The following WNT9B variants were observed in gnomAD, a reference collection of about 807,000 sequenced individuals.
WNT9B encodes protein Wnt-9b.
Under a neutral mutation model 30.2 loss-of-function variants are expected in WNT9B, and 12 were observed. That is an observed-to-expected ratio of 0.40 (90% CI 0.26 to 0.64). WNT9B has a LOEUF of 0.64. Ranked by LOEUF, WNT9B falls within the 30% of genes least tolerant of loss-of-function variation. WNT9B has a pLI of 0.42. For synonymous variants in WNT9B, 218 were observed against 216.9 expected (o/e 1.01, Z -0.05); for missense variants, 442 against 485.2 (o/e 0.91, Z 0.84).
intron 2 of WNT9B, among the ~76,000 whole-genome samples, chr17:46,874,318 CATG>C (rs2085306315): frequency 6.6e-6 from 1 of 152,192 alleles, no homozygotes; most frequent in African/African-American, 2.4e-5. Flanking sequence ...TGAGAACCAT[CATG>C]TGTCATAGGA....
chr17:46,879,391 A>T lies in WNT9B; in HGVS notation c.*2673A>T, dbSNP rs2085393793. Among the ~76,000 whole-genome samples the T allele has an allele frequency of 6.6e-6, 1 of 152,122 alleles. No individual in the cohort carries two copies. Among genetic ancestry groups the T allele is most frequent in the Admixed American group, 6.5e-5 (1 of 15,278 alleles). On this transcript the variant is annotated 3_prime_UTR_variant, in exon 4 of 4. Transcript: ENST00000290015. ...GGGCTCCATCCAGACCCTCCTTGTG[A>T]TGTTTTTGTAGATTTTCTGCCCTTC...
At chr17:46,871,409 C>A (rs2085241663) in intron 1 of WNT9B, among the ~76,000 whole-genome samples, 1 of 152,178 alleles carries the variant, frequency 6.6e-6, no homozygotes, top group Admixed American at 6.5e-5. Context: ...CAATTCCCAC[C>A]CTGCTGCTGA....
chr17:46,865,892 G>A (rs1031134475), intron 1 of WNT9B, among the ~76,000 whole-genome samples: 10 of 152,158 alleles, frequency 6.6e-5, no homozygotes, highest in Non-Finnish European at 5.9e-5. Context: ...TACTACAGGT[G>A]CGCGCCACAA....
At chr17:46,870,992 C>G (rs553981805) in intron 1 of WNT9B, among the ~76,000 whole-genome samples, 1 of 150,726 alleles carries the variant, frequency 6.6e-6, no homozygotes, top group South Asian at 2.1e-4. Context: ...CTCACTGCAG[C>G]CTCCACCTCC....
At chr17:46,833,449 TA>T in intron 1 of WNT9B, 1 of 511,010 alleles carries the variant, frequency 2.0e-6, no homozygotes, top group South Asian at 1.4e-5. Flanking sequence ...AGGTGAGTGT[TA>T]GGGAGGAAGG....
chr17:46,840,949 TG>T (rs1474674195), intron 1 of WNT9B, among the ~76,000 whole-genome samples: 1 of 152,160 alleles, frequency 6.6e-6, no homozygotes, highest in African/African-American at 2.4e-5. Context: ...TGAGTAGAAG[TG>T]GAGGCAGAAA....
In WNT9B at chr17:46,872,744, T is replaced by C. The variant is rs2085270883; in HGVS notation, c.305T>C (p.Leu102Pro). The C allele has an allele frequency of 1.4e-6, 2 of 1,470,086 alleles. No individual in the cohort carries two copies. The highest frequency in any genetic ancestry group is 1.9e-5 in the Admixed American group (1 of 53,964). The allele number at this position is 1,470,086 out of a possible 1,614,324, so 91.1% of individuals were successfully genotyped here. Residue 102 changes from leucine (L) to proline (P), a missense_variant, in exon 2 of 4, where the codon CTG becomes CCG. Physicochemically the swap from Leu to Pro is moderately conservative, Grantham distance 98 (BLOSUM62 -3). Transcript: ENST00000290015. The stretch of plus-strand genomic sequence containing the variant: ...CGGCATGAGCGCTGGAACTGTAGCC[T>C]GGAGGGCAGGATGGGCCTGCTCAAG... The part of the protein sequence containing the change: ...QFRHERWNCS[L>P]EGRMGLLKRG...
intron 1 of WNT9B, among the ~76,000 whole-genome samples, chr17:46,858,056 A>G (rs889192046): frequency 2.0e-5 from 3 of 152,146 alleles, no homozygotes; most frequent in African/African-American, 4.8e-5. Flanking sequence ...CAGCCTCCCA[A>G]GTAGCTGGGA....
chr17:46,882,893 GCAGGCTCCACCCCACA>G (rs1294625181), downstream of WNT9B, among the ~76,000 whole-genome samples: 2 of 152,114 alleles, frequency 1.3e-5, no homozygotes, highest in Non-Finnish European at 2.9e-5. Context: ...GTGGCTCTGT[GCAGGCTCCACCCCACA>G]CAGGCATTCC....
At chr17:46,834,459 C>T (rs1253858795) in intron 1 of WNT9B, among the ~76,000 whole-genome samples, 1 of 152,142 alleles carries the variant, frequency 6.6e-6, no homozygotes, top group African/African-American at 2.4e-5. Flanking sequence ...GCAAGTTCTG[C>T]TAGGCCTGCC....
chr17:46,837,848 A>T (rs1158565120), intron 1 of WNT9B, among the ~76,000 whole-genome samples: 2 of 152,184 alleles, frequency 1.3e-5, no homozygotes, highest in African/African-American at 4.8e-5. Flanking sequence ...ACATATGAGG[A>T]CACTGTGCAC....
At chr17:46,858,955 C>T (rs1030407550) in intron 1 of WNT9B, among the ~76,000 whole-genome samples, 2 of 151,464 alleles carry the variant, frequency 1.3e-5, no homozygotes, top group Non-Finnish European at 2.9e-5. Flanking sequence ...GCATGAGCCA[C>T]AGCTAGAAAC....
chr17:46,837,195 C>T (rs895167093), intron 1 of WNT9B, among the ~76,000 whole-genome samples: 3 of 152,062 alleles, frequency 2.0e-5, no homozygotes, highest in Non-Finnish European at 4.4e-5. Context: ...CCCGCCGCGG[C>T]CCCCCAAAGT....
rs1268042201 is a variant in WNT9B at position 46,876,476 on chromosome 17, T to A, written c.832T>A (p.Ser278Thr). ...CCTCACCAAAGGCCTGGCCCCAAGG[T>A]CTGGGGACCTGGTGTACATGGAGGA... Reference protein sequence around the residue: ...GSLTKGLAPRSGDLVYMEDSP... With the variant: ...GSLTKGLAPRTGDLVYMEDSP... Residue 278 changes from serine (S) to threonine (T), a missense_variant, in exon 4 of 4, where the codon TCT becomes ACT. Physicochemically the swap from Ser to Thr is moderately conservative, Grantham distance 58. Coordinates refer to ENST00000290015, the MANE Select transcript of WNT9B (RefSeq NM_003396.3). 1.9e-6 allele frequency: 3 copies of A among 1,613,510 alleles called. No individual in the cohort carries two copies. The highest frequency in any genetic ancestry group is 4.5e-5 in the East Asian group (2 of 44,874).
chr17:46,855,408 C>T (rs1467619354), intron 1 of WNT9B, among the ~76,000 whole-genome samples: 8 of 152,168 alleles, frequency 5.3e-5, no homozygotes, highest in Non-Finnish European at 7.3e-5. Flanking sequence ...GGACAGGAGG[C>T]GGACCAGAGG....
In WNT9B at chr17:46,877,438, C is replaced by T. The variant is rs948345783; in HGVS notation, c.*720C>T. 1.3e-5 allele frequency among the ~76,000 whole-genome samples: 2 copies of T among 152,172 alleles called. No individual in the cohort carries two copies. Among genetic ancestry groups the T allele is most frequent in the African/African-American group, 2.4e-5 (1 of 41,436 alleles). On this transcript the variant is annotated 3_prime_UTR_variant, in exon 4 of 4. Coordinates refer to ENST00000290015, the MANE Select transcript of WNT9B (RefSeq NM_003396.3). ...CTTGTCTCGAGAGCTGGGTTATGCA[C>T]ACTCACCCAGCCGTGCTCAAAACTA... is the stretch of plus-strand genomic sequence containing the variant.
At chr17:46,858,465 T>TTTTCATTTTA (rs541649543) in intron 1 of WNT9B, among the ~76,000 whole-genome samples, 1 of 151,178 alleles carries the variant, frequency 6.6e-6, no homozygotes, top group Non-Finnish European at 1.5e-5. Context: ...CGTTTTCTCC[T>TTTTCATTTTA]TTTTATTTTA....
intron 1 of WNT9B, among the ~76,000 whole-genome samples, chr17:46,863,449 C>A (rs1200187118): frequency 1.3e-5 from 2 of 152,142 alleles, no homozygotes; most frequent in African/African-American, 4.8e-5. Context: ...CAGGATACAG[C>A]TTTGAAGAGG....
intron 1 of WNT9B, among the ~76,000 whole-genome samples, chr17:46,857,053 T>C (rs2084950371): frequency 6.6e-6 from 1 of 152,242 alleles, no homozygotes; most frequent in Admixed American, 6.5e-5. Flanking sequence ...TTGCTCAGCA[T>C]AAAGCTTTTG....
Sources: gnomAD v4.1 joint callset for allele counts (sites outside exome capture counted in the v4.1 genomes callset) on GRCh38, gnomAD v4.1.1 for gene constraint, MANE v1.5 for transcripts, NCBI Gene and HGNC (gene_info 2026-07-23, HGNC 2026-07-21) for gene names.